RALGPS2: variants seen among roughly 807,000 people sequenced by gnomAD.
The protein encoded by RALGPS2 is Ral GEF with PH domain and SH3 binding motif 2, also known as ras-specific guanine nucleotide-releasing factor RalGPS2.
Under a neutral mutation model 86.8 loss-of-function variants are expected in RALGPS2, and 43 were observed. That is an observed-to-expected ratio of 0.50 (90% CI 0.39 to 0.64). RALGPS2 has a LOEUF of 0.64. Among genes scored for constraint, RALGPS2 ranks in the 30% least tolerant of loss-of-function variants. The pLI is 0.00. For synonymous variants in RALGPS2, 243 were observed against 231.3 expected, an observed-to-expected ratio of 1.05 and a Z score of -0.46; for missense variants, 536 against 694.6, an observed-to-expected ratio of 0.77 and a Z score of 2.57.
intron 8 of RALGPS2, chr1:178,853,708 G>A: frequency 1.9e-6 from 3 of 1,612,476 alleles, no homozygotes; most frequent in Non-Finnish European, 2.5e-6. Context: ...TTGGTCCATT[G>A]CTGTTTTCAG....
At chr1:178,887,416 G>A (rs886962785) in intron 13 of RALGPS2, among the ~76,000 whole-genome samples, 17 of 152,260 alleles carry the variant, frequency 1.1e-4, no homozygotes, top group African/African-American at 3.8e-4. Flanking sequence ...TCGCAGCACT[G>A]CACTACCCTG....
intron 4 of RALGPS2, among the ~76,000 whole-genome samples, chr1:178,795,783 T>C (rs1654160535): frequency 2.0e-5 from 3 of 152,236 alleles, no homozygotes; most frequent in Admixed American, 2.0e-4. Context: ...AAAAAGCTTC[T>C]CTGTGCAAAC....
At chr1:178,810,818 TG>T (rs1167929370) in intron 5 of RALGPS2, among the ~76,000 whole-genome samples, 3 of 152,094 alleles carry the variant, frequency 2.0e-5, no homozygotes, top group Non-Finnish European at 4.4e-5. Flanking sequence ...TATTTAGATT[TG>T]TATAAGTGAA....
At chr1:178,811,840 TAACTG>T in intron 6 of RALGPS2, among the ~76,000 whole-genome samples, 1 of 152,216 alleles carries the variant, frequency 6.6e-6, no homozygotes, top group Non-Finnish European at 1.5e-5. Flanking sequence ...ACCACATTGT[TAACTG>T]AACAGTTATT....
chr1:178,803,441 A>C (rs576007797), intron 4 of RALGPS2, among the ~76,000 whole-genome samples: 1 of 146,842 alleles, frequency 6.8e-6, no homozygotes, highest in African/African-American at 2.4e-5. Flanking sequence ...TTAGGGATTT[A>C]ATCTTAGGAA....
chr1:178,803,861 G>C (rs1654602481), intron 4 of RALGPS2, among the ~76,000 whole-genome samples: 1 of 152,066 alleles, frequency 6.6e-6, no homozygotes, highest in Non-Finnish European at 1.5e-5. Flanking sequence ...CAGAAACCTG[G>C]AATCTTAGTA....
intron 10 of RALGPS2, among the ~76,000 whole-genome samples, chr1:178,881,839 A>C (rs546926964): frequency 6.6e-6 from 1 of 152,304 alleles, no homozygotes; most frequent in South Asian, 2.1e-4. Context: ...ATGTCATTAA[A>C]ATTATTAGAA....
At chr1:178,782,914 T>C (rs1265877541) in intron 2 of RALGPS2, among the ~76,000 whole-genome samples, 1 of 152,084 alleles carries the variant, frequency 6.6e-6, no homozygotes, top group Non-Finnish European at 1.5e-5. Context: ...CAACCTGAGT[T>C]CCTATTACCC....
chr1:178,865,540 C>G (rs1294754144), intron 8 of RALGPS2: 10 of 1,614,138 alleles, frequency 6.2e-6, no homozygotes, highest in Non-Finnish European at 7.6e-6. Context: ...TCCTGGTGAT[C>G]ATGTCTTTAA....
intron 4 of RALGPS2, among the ~76,000 whole-genome samples, chr1:178,794,139 C>A (rs561478397): frequency 1.3e-5 from 2 of 152,148 alleles, no homozygotes; most frequent in East Asian, 3.9e-4. Flanking sequence ...TTTTTTGAGA[C>A]ATGATCTCAC....
chr1:178,759,762 C>A (rs1055204200), intron 1 of RALGPS2, among the ~76,000 whole-genome samples: 1 of 151,816 alleles, frequency 6.6e-6, no homozygotes, highest in Non-Finnish European at 1.5e-5. Context: ...CAATTTCTTT[C>A]ATCAGTGTTT....
intron 8 of RALGPS2, among the ~76,000 whole-genome samples, chr1:178,858,649 T>C (rs1657751490): frequency 6.6e-6 from 1 of 152,174 alleles, no homozygotes; most frequent in Non-Finnish European, 1.5e-5. Context: ...AAAGTTTACA[T>C]AGGGCTAATG....
intron 8 of RALGPS2, among the ~76,000 whole-genome samples, chr1:178,855,475 C>T (rs1657472492): frequency 6.6e-6 from 1 of 151,816 alleles, no homozygotes; most frequent in African/African-American, 2.4e-5. Context: ...TGATATTTTT[C>T]TCTTAAATTT....
intron 4 of RALGPS2, among the ~76,000 whole-genome samples, chr1:178,793,341 G>T (rs1407430993): frequency 6.6e-6 from 1 of 151,546 alleles, no homozygotes; most frequent in African/African-American, 2.4e-5. Flanking sequence ...TCAGAGTTGA[G>T]CTGCAGTTAG....
chr1:178,892,088 G>A, intron 14 of RALGPS2, 142 bp from the exon 15 acceptor site: 1 of 798,570 alleles, frequency 1.3e-6, no homozygotes, highest in Non-Finnish European at 1.9e-6. Flanking sequence ...AAAAAAGAAA[G>A]AGGAACAATC....
At chr1:178,805,212 C>T (rs1221682973) in intron 4 of RALGPS2, among the ~76,000 whole-genome samples, 3 of 147,212 alleles carry the variant, frequency 2.0e-5, no homozygotes, top group Non-Finnish European at 4.5e-5. Context: ...CAAAAATTTT[C>T]TCCCATTTTG....
In RALGPS2 at chr1:178,859,732, T is replaced by C. The variant is rs1473710719; in HGVS notation, c.608-17766T>C. On this transcript the variant is annotated intron_variant, in intron 8 of 19. Transcript: ENST00000367635. ...TTTTTTTTTTGAGACGGAGTCTCGCTCTGTCGCCAGGCTGGAGTGCAGTGT... is the reference window on the plus strand; with the variant it reads ...TTTTTTTTTTGAGACGGAGTCTCGCCCTGTCGCCAGGCTGGAGTGCAGTGT... Among the ~76,000 whole-genome samples, 6 of 117,024 alleles carry C rather than the reference T, an allele frequency of 5.1e-5. No homozygotes were observed. The East Asian group carries it at 1.5e-3, about 29-fold the overall frequency. The allele number at this position is 117,024 out of a possible 152,430, so 76.8% of individuals were successfully genotyped here.
At chr1:178,787,468 T>G (rs921131815) in intron 4 of RALGPS2, among the ~76,000 whole-genome samples, 4 of 152,212 alleles carry the variant, frequency 2.6e-5, no homozygotes, top group African/African-American at 9.6e-5. Flanking sequence ...TCTTACATTC[T>G]TTTTTCTCCG....
chr1:178,898,149 A>G (rs899984829), intron 17 of RALGPS2, among the ~76,000 whole-genome samples: 4 of 152,062 alleles, frequency 2.6e-5, no homozygotes, highest in African/African-American at 9.7e-5. Flanking sequence ...TACAACAGTT[A>G]CTGCAATCAC....
Sources: allele counts gnomAD v4.1 joint callset (sites outside exome capture counted in the v4.1 genomes callset), GRCh38; gene constraint gnomAD v4.1.1; transcripts MANE v1.5; gene names NCBI Gene and HGNC (gene_info 2026-07-23, HGNC 2026-07-21).